Variants in ADGRB3 observed in about 807,000 individuals in gnomAD.
ADGRB3 encodes the protein brain-specific angiogenesis inhibitor 3.
Under a neutral mutation model 193.4 loss-of-function variants are expected in ADGRB3, and 37 were observed. The ratio of observed to expected loss-of-function variants is 0.19; its 90% confidence interval spans 0.15 to 0.25. The LOEUF is 0.25. Among genes scored for constraint, ADGRB3 ranks in the 10% least tolerant of loss-of-function variants. ADGRB3 has a pLI of 1.00. For missense variants in ADGRB3, 1,637 were observed against 1,852.9 expected (o/e 0.88, Z 2.14); for synonymous variants, 690 against 644.2 (o/e 1.07, Z -1.08).
At position 68,644,939 on chromosome 6, in the gene ADGRB3, A is replaced by G. The variant is rs186775356; in HGVS notation, c.757+5507A>G. 3.9e-5 allele frequency among the ~76,000 whole-genome samples: 6 copies of G among 152,320 alleles called. No homozygotes were observed. In the East Asian group the frequency reaches 1.2e-3, roughly 29 times the overall value. Reference sequence around the variant, plus strand: ...TTAATGTACTTCAAGTTCATTTTCTATCAAAATCGAGATAGGAATTTTACT... The same window carrying G: ...TTAATGTACTTCAAGTTCATTTTCTGTCAAAATCGAGATAGGAATTTTACT... On this transcript the variant is annotated intron_variant, in intron 3 of 31. Transcript: ENST00000370598.
chr6:69,228,714 G>T (rs1012022602), intron 17 of ADGRB3, among the ~76,000 whole-genome samples: 7 of 152,082 alleles, frequency 4.6e-5, no homozygotes, highest in African/African-American at 1.7e-4. Context: ...TAAAATATGT[G>T]TTTACAATAT....
At chr6:69,172,478 C>T (rs559618424) in intron 17 of ADGRB3, among the ~76,000 whole-genome samples, 1 of 151,126 alleles carries the variant, frequency 6.6e-6, no homozygotes, top group Non-Finnish European at 1.5e-5. Context: ...CCCGTCTCTA[C>T]TAAAAATAAA....
At chr6:68,814,181 G>A (rs1378858713) in intron 3 of ADGRB3, among the ~76,000 whole-genome samples, 3 of 152,094 alleles carry the variant, frequency 2.0e-5, no homozygotes, top group South Asian at 2.1e-4. Context: ...CAACAGTGTA[G>A]AAGTGTTCCT....
intron 3 of ADGRB3, among the ~76,000 whole-genome samples, chr6:68,767,138 A>G (rs1018073014): frequency 3.3e-5 from 5 of 152,234 alleles, no homozygotes; most frequent in Middle Eastern, 3.4e-3. Flanking sequence ...TAGAGGTATA[A>G]ATCATTTGTA....
At chr6:69,194,629 C>A (rs930961276) in intron 17 of ADGRB3, among the ~76,000 whole-genome samples, 1 of 152,080 alleles carries the variant, frequency 6.6e-6, no homozygotes, top group Admixed American at 6.6e-5. Flanking sequence ...GTTATCAAAT[C>A]ACTTTAACCT....
At chr6:68,836,126 G>T (rs935925235) in intron 3 of ADGRB3, among the ~76,000 whole-genome samples, 8 of 151,980 alleles carry the variant, frequency 5.3e-5, no homozygotes, top group African/African-American at 1.9e-4. Flanking sequence ...CTTCCATGTG[G>T]CAAACTAAAA....
intron 20 of ADGRB3, among the ~76,000 whole-genome samples, chr6:69,306,924 C>A (rs1249597753): frequency 6.6e-6 from 1 of 151,324 alleles, no homozygotes; most frequent in African/African-American, 2.4e-5. Context: ...TTCCTATTTA[C>A]CTTGAGATCA....
At chr6:68,805,566 C>A (rs1328177740) in intron 3 of ADGRB3, among the ~76,000 whole-genome samples, 2 of 152,110 alleles carry the variant, frequency 1.3e-5, no homozygotes, top group Non-Finnish European at 2.9e-5. Flanking sequence ...TCTTCTGATC[C>A]ACTTAAGGCT....
chr6:68,784,677 T>G (rs1426688859), intron 3 of ADGRB3, among the ~76,000 whole-genome samples: 1 of 152,142 alleles, frequency 6.6e-6, no homozygotes, highest in African/African-American at 2.4e-5. Context: ...GTTTCCATTA[T>G]GCTGCAAGGT....
chr6:68,825,244 C>T (rs1262261173), intron 3 of ADGRB3, among the ~76,000 whole-genome samples: 1 of 151,954 alleles, frequency 6.6e-6, no homozygotes, highest in Non-Finnish European at 1.5e-5. Flanking sequence ...ATGTTTTGTA[C>T]ATATGTACTG....
chr6:69,003,987 A>C (rs944457499), intron 11 of ADGRB3, among the ~76,000 whole-genome samples: 1 of 152,236 alleles, frequency 6.6e-6, no homozygotes, highest in Non-Finnish European at 1.5e-5. Context: ...TTTTTAAAAA[A>C]TACAATAAAA....
intron 5 of ADGRB3, among the ~76,000 whole-genome samples, chr6:68,941,191 T>C (rs1767632493): frequency 6.6e-6 from 1 of 152,132 alleles, no homozygotes; most frequent in Non-Finnish European, 1.5e-5. Flanking sequence ...TTAAAAAATA[T>C]ATAACAATTT....
intron 3 of ADGRB3, among the ~76,000 whole-genome samples, chr6:68,667,218 A>AAAC (rs1457215007): frequency 2.8e-4 from 43 of 152,020 alleles, no homozygotes; most frequent in African/African-American, 1.0e-3. Flanking sequence ...GAATGATTAG[A>AAAC]AACACTCCCA....
intron 20 of ADGRB3, among the ~76,000 whole-genome samples, chr6:69,270,764 T>C (rs1403131218): frequency 2.0e-5 from 3 of 152,196 alleles, no homozygotes; most frequent in African/African-American, 7.2e-5. Flanking sequence ...AGAATGACAT[T>C]TTCCCCAGGT....
intron 27 of ADGRB3, among the ~76,000 whole-genome samples, chr6:69,355,405 T>C (rs1009716104): frequency 6.6e-6 from 1 of 152,160 alleles, no homozygotes; most frequent in Non-Finnish European, 1.5e-5. Flanking sequence ...TCTAAGATGT[T>C]ACATTACAAG....
At chr6:68,944,141 C>T (rs1452453690) in intron 6 of ADGRB3, 147 bp downstream of exon 6, 2 of 782,700 alleles carry the variant, frequency 2.6e-6, no homozygotes, top group African/African-American at 1.7e-5. Flanking sequence ...AAACTGGGTA[C>T]TTTTCTTGAT....
At chr6:69,118,586 A>G (rs1773597171) in intron 17 of ADGRB3, among the ~76,000 whole-genome samples, 1 of 151,966 alleles carries the variant, frequency 6.6e-6, no homozygotes, top group Admixed American at 6.6e-5. Flanking sequence ...CTTACTTCCA[A>G]GGGTCTCTGG....
chr6:69,179,907 G>A (rs1775534895), intron 17 of ADGRB3, among the ~76,000 whole-genome samples: 1 of 152,166 alleles, frequency 6.6e-6, no homozygotes, highest in South Asian at 2.1e-4. Flanking sequence ...CTGTTGCCTA[G>A]GGCAATGGGC....
chr6:69,128,698 T>C (rs1318802389), intron 17 of ADGRB3, among the ~76,000 whole-genome samples: 3 of 152,186 alleles, frequency 2.0e-5, no homozygotes, highest in African/African-American at 7.2e-5. Flanking sequence ...CTTCAGACTC[T>C]TTTTCAAAAT....
Sources: gnomAD v4.1 joint callset for allele counts (sites outside exome capture counted in the v4.1 genomes callset) on GRCh38, gnomAD v4.1.1 for gene constraint, MANE v1.5 for transcripts, NCBI Gene and HGNC (gene_info 2026-07-23, HGNC 2026-07-21) for gene names.